The following GRM4 variants were observed in gnomAD, a reference collection of about 807,000 sequenced individuals.
GRM4 encodes metabotropic glutamate receptor 4.
In GRM4, 28 loss-of-function variants were observed where a neutral mutation model predicts 81.7. That is an observed-to-expected ratio of 0.34 (90% CI 0.25 to 0.47). The LOEUF is 0.47. Among genes scored for constraint, GRM4 ranks in the 20% least tolerant of loss-of-function variants. The pLI is 1.00. For synonymous variants in GRM4, 488 were observed against 528.8 expected (o/e 0.92, Z 1.06); for missense variants, 948 against 1,290.0 (o/e 0.73, Z 4.06).
chr6:34,112,592 C>T (rs1212841097), intron 2 of GRM4, among the ~76,000 whole-genome samples: 1 of 152,082 alleles, frequency 6.6e-6, no homozygotes, highest in African/African-American at 2.4e-5. Flanking sequence ...TGAGCTTCCC[C>T]CCAAATGAGG....
At chr6:34,149,944 TG>T (rs1208086807), upstream of GRM4, among the ~76,000 whole-genome samples, 1 of 152,132 alleles carries the variant, frequency 6.6e-6, no homozygotes, top group Non-Finnish European at 1.5e-5. Flanking sequence ...AGTGCCTTGG[TG>T]GGGGAACACT....
At chr6:34,062,154 C>G in intron 3 of GRM4, 126 bp from the exon 4 acceptor site, 1 of 990,384 alleles carries the variant, frequency 1.0e-6, no homozygotes, top group Non-Finnish European at 1.5e-6. Context: ...GACTCCCAGC[C>G]CTGGGATCCC....
intron 8 of GRM4, among the ~76,000 whole-genome samples, chr6:34,038,420 T>A (rs1764825669): frequency 1.3e-5 from 2 of 152,206 alleles, no homozygotes; most frequent in Admixed American, 6.5e-5. Flanking sequence ...CTGCTGTGTC[T>A]CCAGCCCTCA....
Position 34,035,892 on chromosome 6 carries a change from C to A in GRM4, c.2218G>T (p.Ala740Ser). 3 of 1,607,920 alleles carry A rather than the reference C, an allele frequency of 1.9e-6. No homozygotes were observed. Among genetic ancestry groups the A allele is most frequent in the Non-Finnish European group, 2.6e-6 (3 of 1,175,136 alleles). ...QDQRTLDPRFARGVLKCDISD... is the reference protein window; with the variant it reads ...QDQRTLDPRFSRGVLKCDISD... Reference sequence around the variant, plus strand: ...ATGTCACACTTGAGCACACCCCTGGCGAAGCGGGGGTCGAGTGTCCGCTGG... The same window carrying A: ...ATGTCACACTTGAGCACACCCCTGGAGAAGCGGGGGTCGAGTGTCCGCTGG... Residue 740 changes from alanine to serine, a missense_variant, in exon 9 of 11, where the codon GCC (alanine) becomes TCC (serine). Coordinates refer to ENST00000538487, the MANE Select transcript of GRM4 (RefSeq NM_000841.4). The surrounding 1 kb of genome is among the most constrained non-coding windows in gnomAD (Gnocchi z 6.6).
Position 34,036,315 on chromosome 6 carries a change from T to C in GRM4, c.1795A>G (p.Ile599Val). Reference protein sequence around the residue: ...VLPLFLAVVGIAATLFVVITF... With the variant: ...VLPLFLAVVGVAATLFVVITF... ...ATCACCACGAACAACGTGGCAGCGA[T>C]GCCCACCACGGCCAGGAAGAGGGGC... Residue 599 changes from isoleucine to valine, a missense_variant, in exon 9 of 11, where the codon ATC becomes GTC. Transcript: ENST00000538487. This position sits in a 1 kb window ranked among gnomAD's most constrained non-coding sequence, Gnocchi z 9.0. The C allele has an allele frequency of 1.2e-6, 2 of 1,614,026 alleles. No homozygotes were observed. The highest frequency in any genetic ancestry group is 1.7e-5 in the Admixed American group (1 of 60,012).
chr6:34,097,446 TGTGTGC>T (rs746125883), intron 2 of GRM4, among the ~76,000 whole-genome samples: 28 of 3,394 alleles, frequency 8.2e-3, no homozygotes, highest in South Asian at 0.017. Flanking sequence ...TGTGTGTGTG[TGTGTGC>T]GCGCGCATGT....
At chr6:34,023,061 C>T (rs1232699412) in intron 10 of GRM4, among the ~76,000 whole-genome samples, 191 bp from the exon 11 acceptor site, 1 of 152,262 alleles carries the variant, frequency 6.6e-6, no homozygotes, top group Non-Finnish European at 1.5e-5. Context: ...GTTGCTTCTC[C>T]TGCTGTTCCT....
chr6:34,043,418 C>T (rs571720414), intron 6 of GRM4, among the ~76,000 whole-genome samples: 6 of 152,264 alleles, frequency 3.9e-5, no homozygotes, highest in East Asian at 1.9e-4. Flanking sequence ...ACTTGCTCCC[C>T]GCAGGCCCCT....
intron 2 of GRM4, among the ~76,000 whole-genome samples, chr6:34,131,532 A>G (rs1362337339): frequency 6.6e-6 from 1 of 152,132 alleles, no homozygotes; most frequent in Non-Finnish European, 1.5e-5. Context: ...CAGAGCAGCC[A>G]ATGGCAAAAG....
At chr6:34,131,179 C>G (rs1488310382) in intron 2 of GRM4, among the ~76,000 whole-genome samples, 1 of 152,256 alleles carries the variant, frequency 6.6e-6, no homozygotes, top group African/African-American at 2.4e-5. Context: ...CATTCCCAAA[C>G]CATCCTGCCA....
At chr6:34,113,777 A>G (rs2127500395) in intron 2 of GRM4, among the ~76,000 whole-genome samples, 1 of 152,290 alleles carries the variant, frequency 6.6e-6, no homozygotes, top group East Asian at 1.9e-4. Flanking sequence ...TGGTCCTCAC[A>G]TGGCAGCCAG....
chr6:34,127,077 C>G (rs1352842957), intron 2 of GRM4, among the ~76,000 whole-genome samples: 1 of 152,070 alleles, frequency 6.6e-6, no homozygotes, highest in Non-Finnish European at 1.5e-5. Context: ...CCTTTTTTAG[C>G]TCATGAACTG....
intron 2 of GRM4, among the ~76,000 whole-genome samples, chr6:34,112,886 C>A (rs1769444070): frequency 6.6e-6 from 1 of 152,206 alleles, no homozygotes; most frequent in South Asian, 2.1e-4. Flanking sequence ...TCTGCTTCCC[C>A]GAACTTCTCT....
chr6:34,072,897 A>G (rs1213961868), intron 3 of GRM4, among the ~76,000 whole-genome samples: 2 of 64,728 alleles, frequency 3.1e-5, no homozygotes. Context: ...TCACACAGAT[A>G]CCACACACAC....
chr6:34,084,689 A>G (rs1177882156), intron 3 of GRM4, among the ~76,000 whole-genome samples: 1 of 152,312 alleles, frequency 6.6e-6, no homozygotes, highest in African/African-American at 2.4e-5. Flanking sequence ...GCCCCACCTC[A>G]CATGGCTCCC....
At chr6:34,081,183 C>A (rs1394197956) in intron 3 of GRM4, among the ~76,000 whole-genome samples, 2 of 152,204 alleles carry the variant, frequency 1.3e-5, no homozygotes, top group African/African-American at 4.8e-5. Context: ...GCTACAAAGC[C>A]CAGCTCTGCC....
chr6:34,103,495 G>A (rs894139685), intron 2 of GRM4: 37 of 1,036,938 alleles, frequency 3.6e-5, no homozygotes, highest in African/African-American at 2.8e-4. Context: ...AGGCGGGGGC[G>A]GCGGGCGAGG....
At chr6:34,128,379 CTT>C (rs547672333) in intron 2 of GRM4, among the ~76,000 whole-genome samples, 22 of 132,744 alleles carry the variant, frequency 1.7e-4, no homozygotes, top group East Asian at 2.1e-4. Flanking sequence ...TTTTTCTTTT[CTT>C]TTTTTTTTTT....
At chr6:34,120,987 T>G (rs541924306) in intron 2 of GRM4, among the ~76,000 whole-genome samples, 2 of 152,156 alleles carry the variant, frequency 1.3e-5, no homozygotes, top group Non-Finnish European at 2.9e-5. Flanking sequence ...CATTATATTA[T>G]CCTCTATAAT....
Sources: gnomAD v4.1 joint callset for allele counts (sites outside exome capture counted in the v4.1 genomes callset) on GRCh38, gnomAD v4.1.1 for gene constraint, Gnocchi (gnomAD v3.1) non-coding constraint, MANE v1.5 for transcripts, NCBI Gene and HGNC (gene_info 2026-07-23, HGNC 2026-07-21) for gene names.